ZDHHC2: variants seen among roughly 807,000 people sequenced by gnomAD.
ZDHHC2 encodes the protein palmitoyltransferase ZDHHC2.
A neutral mutation model predicts 55.6 loss-of-function variants in ZDHHC2; 51 were observed. That is an observed-to-expected ratio of 0.92 (90% CI 0.73 to 1.16). The LOEUF is 1.16. ZDHHC2 is among the 50% of genes most tolerant of loss of function. ZDHHC2 has a pLI of 0.00. For missense variants in ZDHHC2, 491 were observed against 442.4 expected, an observed-to-expected ratio of 1.11 and a Z score of -0.99; for synonymous variants, 199 against 152.9, an observed-to-expected ratio of 1.30 and a Z score of -2.22.
At position 17,220,601 on chromosome 8, in the gene ZDHHC2, G is replaced by T. The variant is rs1487698932; in HGVS notation, c.*380G>T. 6.6e-6 allele frequency: 1 copy of T among 152,156 alleles called. No individual in the cohort carries two copies. Among genetic ancestry groups the T allele is most frequent in the Non-Finnish European group, 1.5e-5 (1 of 68,044 alleles). The allele number at this position is 152,156 out of a possible 1,614,324, so 9.4% of individuals were successfully genotyped here. ...ATCTGATTTTCCGAATCTGAAAATT[G>T]AGACTATTAAGATATTAGGATTTCA... On this transcript the variant is annotated 3_prime_UTR_variant, in exon 13 of 13. Transcript: ENST00000262096.
In ZDHHC2 at chr8:17,195,608, C is replaced by T. The variant is rs550323002; in HGVS notation, c.357C>T (p.Thr119=). 3.7e-6 allele frequency: 6 copies of T among 1,613,840 alleles called. No individual in the cohort carries two copies. In the South Asian group the frequency reaches 5.5e-5, roughly 15 times the overall value. ...RRAAKDLPIY[T]RTMSGAIRYC... is the part of the protein sequence containing the mutation. ...CAGCCAAGGATCTTCCCATCTATAC[C>T]AGGACCATGTCTGGAGGTAAATGTT... is the stretch of plus-strand genomic sequence containing the variant. The change falls in exon 4 of 13, where the codon ACC becomes ACT. Residue 119 remains threonine (T), a synonymous_variant. Coordinates refer to ENST00000262096, the MANE Select transcript of ZDHHC2 (RefSeq NM_016353.5).
chr8:17,207,371 C>G (rs970597114), intron 7 of ZDHHC2, among the ~76,000 whole-genome samples: 43 of 152,268 alleles, frequency 2.8e-4, no homozygotes, highest in African/African-American at 1.0e-3. Context: ...TGGATATTAA[C>G]ATTTATTTTA....
chr8:17,185,602 C>T (rs531798267), intron 2 of ZDHHC2, among the ~76,000 whole-genome samples: 1 of 151,920 alleles, frequency 6.6e-6, no homozygotes, highest in African/African-American at 2.4e-5. Flanking sequence ...CCCCAGGGGG[C>T]GGAGGTGGCA....
intron 9 of ZDHHC2, 142 bp from the exon 10 acceptor site, chr8:17,210,246 C>A: frequency 9.6e-7 from 1 of 1,045,970 alleles, no homozygotes; most frequent in Non-Finnish European, 1.4e-6. Flanking sequence ...TCTTCCTGAA[C>A]ACTATGTTGA....
rs564229386 is a variant in ZDHHC2 at position 17,199,215 on chromosome 8, A to G, written c.476+802A>G. Among the ~76,000 whole-genome samples, 14 of 152,286 alleles carry G rather than the reference A, an allele frequency of 9.2e-5. No homozygotes were observed. In the South Asian group the frequency reaches 2.7e-3, roughly 29 times the overall value. On this transcript the variant is annotated intron_variant, in intron 6 of 12. Coordinates refer to ENST00000262096, the MANE Select transcript of ZDHHC2 (RefSeq NM_016353.5). ...AGCAGCAGGAAAGATTCCCAGGGGA[A>G]TGTAGGATTATGGTATCCTGTATCT...
At position 17,205,756 on chromosome 8, in the gene ZDHHC2, A is replaced by AT; in HGVS notation, c.582dup (p.Ile195TyrfsTer10). On this transcript the variant is annotated frameshift_variant, in exon 7 of 13. Coordinates refer to ENST00000262096, the MANE Select transcript of ZDHHC2 (RefSeq NM_016353.5). LOFTEE classifies it high-confidence loss of function. Reference sequence around the variant, plus strand: ...TTTATTGCGGCAACAGATTTACAGTATTTTATCAAATTTTGGACAGTAAGT... The same window carrying AT: ...TTTATTGCGGCAACAGATTTACAGTATTTTTATCAAATTTTGGACAGTAAGT... 1 of 1,605,898 alleles carries AT rather than the reference A, an allele frequency of 6.2e-7. No homozygotes were observed. Among genetic ancestry groups the AT allele is most frequent in the Non-Finnish European group, 8.5e-7 (1 of 1,177,594 alleles).
chr8:17,199,615 C>CCT (rs1204776190), intron 6 of ZDHHC2, among the ~76,000 whole-genome samples: 3 of 50,708 alleles, frequency 5.9e-5, no homozygotes, highest in African/African-American at 1.2e-4. Flanking sequence ...CTTTCTTCTT[C>CCT]TTCTTCTTCC....
At chr8:17,216,389 A>T (rs894193646) in intron 11 of ZDHHC2, among the ~76,000 whole-genome samples, 1 of 152,128 alleles carries the variant, frequency 6.6e-6, no homozygotes, top group South Asian at 2.1e-4. Flanking sequence ...TAAGAAATAT[A>T]TTTGCCTCCC....
At chr8:17,197,816 G>C (rs139586724) in intron 5 of ZDHHC2, among the ~76,000 whole-genome samples, 165 bp downstream of exon 5, 37 of 152,284 alleles carry the variant, frequency 2.4e-4, no homozygotes, top group Middle Eastern at 3.4e-3. Flanking sequence ...ATACCAGTGA[G>C]GCCTAAGGCC....
intron 3 of ZDHHC2, among the ~76,000 whole-genome samples, chr8:17,194,136 A>G (rs911566121): frequency 2.0e-5 from 3 of 152,124 alleles, no homozygotes; most frequent in Admixed American, 6.5e-5. Context: ...CGTGGTATGT[A>G]TGTGCCACAT....
intron 3 of ZDHHC2, among the ~76,000 whole-genome samples, chr8:17,194,741 C>G (rs1231083617): frequency 6.6e-6 from 1 of 152,030 alleles, no homozygotes; most frequent in East Asian, 1.9e-4. Context: ...CGGTACTATT[C>G]CATTATTTGG....
chr8:17,217,728 G>A (rs1208660231), intron 12 of ZDHHC2, among the ~76,000 whole-genome samples: 1 of 151,972 alleles, frequency 6.6e-6, no homozygotes, highest in East Asian at 1.9e-4. Flanking sequence ...GTCATAGTAG[G>A]GCCTTATAGC....
At chr8:17,207,340 G>C (rs528186711) in intron 7 of ZDHHC2, among the ~76,000 whole-genome samples, 4 of 152,286 alleles carry the variant, frequency 2.6e-5, no homozygotes, top group African/African-American at 7.2e-5. Context: ...GGTTTTCTTT[G>C]AGATGGACTG....
chr8:17,193,806 A>G (rs1460350330), intron 3 of ZDHHC2, among the ~76,000 whole-genome samples: 1 of 152,132 alleles, frequency 6.6e-6, no homozygotes, highest in Non-Finnish European at 1.5e-5. Flanking sequence ...TCTGGGGTAC[A>G]TGTCCAGAAC....
At chr8:17,193,290 T>G (rs1317626415) in intron 3 of ZDHHC2, among the ~76,000 whole-genome samples, 1 of 152,208 alleles carries the variant, frequency 6.6e-6, no homozygotes, top group Non-Finnish European at 1.5e-5. Flanking sequence ...CTGGTAGATG[T>G]GTACTGCCTT....
chr8:17,209,281 A>AT (rs1403632680), intron 8 of ZDHHC2, among the ~76,000 whole-genome samples: 1 of 152,066 alleles, frequency 6.6e-6, no homozygotes, highest in African/African-American at 2.4e-5. Flanking sequence ...TTAAAAGTAG[A>AT]TTTTATAGTC....
At chr8:17,211,899 A>G (rs950939414) in intron 10 of ZDHHC2, among the ~76,000 whole-genome samples, 2 of 152,200 alleles carry the variant, frequency 1.3e-5, no homozygotes, top group Non-Finnish European at 2.9e-5. Context: ...TTAATAAATT[A>G]TTCAGAATAC....
intron 4 of ZDHHC2, among the ~76,000 whole-genome samples, chr8:17,196,987 A>G (rs1447124869): frequency 1.3e-5 from 2 of 152,140 alleles, no homozygotes; most frequent in Non-Finnish European, 2.9e-5. Context: ...AATCTTAACT[A>G]TAAGTCTCAC....
Position 17,224,279 on chromosome 8 carries a change from T to C in ZDHHC2, c.*4058T>C, listed in dbSNP as rs921158132. The C allele has an allele frequency of 2.0e-5, 3 of 151,790 alleles. No individual in the cohort carries two copies. Among genetic ancestry groups the C allele is most frequent in the African/African-American group, 7.2e-5 (3 of 41,428 alleles). The allele number at this position is 151,790 out of a possible 1,614,324, so 9.4% of individuals were successfully genotyped here. ...GAAAAATGTTCAAAAATAGATCTTT[T>C]TGATGTTCATAGCCAGTATTCAGTA... On this transcript the variant is annotated 3_prime_UTR_variant, in exon 13 of 13. Coordinates refer to ENST00000262096, the MANE Select transcript of ZDHHC2 (RefSeq NM_016353.5).
Sources: gnomAD v4.1 joint callset for allele counts (sites outside exome capture counted in the v4.1 genomes callset) on GRCh38, gnomAD v4.1.1 for gene constraint, MANE v1.5 for transcripts, NCBI Gene and HGNC (gene_info 2026-07-23, HGNC 2026-07-21) for gene names.